Variants in ADCK1 observed in about 807,000 individuals in gnomAD.
The protein encoded by ADCK1 is aarF domain-containing protein kinase 1.
ADCK1 carries 41 observed loss-of-function variants against 52.3 expected under a neutral mutation model. The ratio of observed to expected loss-of-function variants is 0.78; its 90% CI spans 0.61 to 1.02. The LOEUF is 1.02. Ranked by LOEUF, ADCK1 falls within the 50% of genes least tolerant of loss-of-function variation. The pLI, the probability that ADCK1 is intolerant of heterozygous loss-of-function variation, is 0.00. For synonymous variants in ADCK1, 250 were observed against 274.6 expected, an observed-to-expected ratio of 0.91 and a Z score of 0.89; for missense variants, 658 against 679.5, an observed-to-expected ratio of 0.97 and a Z score of 0.35.
chr14:77,852,100 G>A (rs1253861144), intron 3 of ADCK1, among the ~76,000 whole-genome samples: 1 of 152,114 alleles, frequency 6.6e-6, no homozygotes, highest in African/African-American at 2.4e-5. Flanking sequence ...CCGGGTGCAA[G>A]TGATTCTTCT....
chr14:77,910,687 G>A (rs991020178), intron 7 of ADCK1, among the ~76,000 whole-genome samples: 5 of 152,228 alleles, frequency 3.3e-5, no homozygotes, highest in Admixed American at 2.0e-4. Context: ...CAGAGGCAAC[G>A]TTGATTTTCC....
At chr14:77,840,770 C>A (rs1437495887) in intron 3 of ADCK1, among the ~76,000 whole-genome samples, 1 of 151,826 alleles carries the variant, frequency 6.6e-6, no homozygotes, top group Non-Finnish European at 1.5e-5. Flanking sequence ...ATAGCTTGAA[C>A]CAGGGAGGTG....
Position 77,933,542 on chromosome 14 carries a change from T to G in ADCK1, c.*151T>G. On this transcript the variant is annotated 3_prime_UTR_variant, in exon 11 of 11. Coordinates refer to ENST00000238561, the MANE Select transcript of ADCK1 (RefSeq NM_020421.4). ...CCATCCTTCTCCTCCTTTGGAATCC[T>G]CTCCGCACACTGTGGCCCTTGTCTC... 2.2e-6 allele frequency: 2 copies of G among 906,706 alleles called. No individual in the cohort carries two copies. The highest frequency in any genetic ancestry group is 3.4e-6 in the Non-Finnish European group (2 of 586,890). The allele number at this position is 906,706 out of a possible 1,614,324, so 56.2% of individuals were successfully genotyped here. A position where few individuals can be genotyped will look rare whatever the true frequency, so the allele number is the denominator to read the frequency against.
chr14:77,926,022 C>T (rs750936077), intron 9 of ADCK1, 61 bp downstream of exon 9: 5 of 1,592,278 alleles, frequency 3.1e-6, no homozygotes, highest in Non-Finnish European at 4.3e-6. Context: ...TAGAGGTGGC[C>T]TGTGGACCCC....
At chr14:77,874,662 G>A (rs138601454) in intron 4 of ADCK1, among the ~76,000 whole-genome samples, 4 of 145,466 alleles carry the variant, frequency 2.7e-5, no homozygotes, top group African/African-American at 7.3e-5. Context: ...AATCATTTGT[G>A]TATTCATTGT....
At chr14:77,891,777 A>G (rs2083289252) in intron 5 of ADCK1, among the ~76,000 whole-genome samples, 1 of 152,136 alleles carries the variant, frequency 6.6e-6, no homozygotes, top group Non-Finnish European at 1.5e-5. Context: ...GCACTGGGTA[A>G]CACTGCCATC....
At chr14:77,875,637 A>T (rs1157672507) in intron 4 of ADCK1, among the ~76,000 whole-genome samples, 1 of 152,134 alleles carries the variant, frequency 6.6e-6, no homozygotes, top group East Asian at 1.9e-4. Context: ...CCTCATAGTG[A>T]TGAGAGTCTG....
chr14:77,860,906 A>T (rs1414853998), intron 4 of ADCK1, among the ~76,000 whole-genome samples: 1 of 152,182 alleles, frequency 6.6e-6, no homozygotes, highest in Non-Finnish European at 1.5e-5. Context: ...CAGCAGGTTA[A>T]CCCTTGGAGG....
At chr14:77,809,889 T>G (rs1308831195) in intron 1 of ADCK1, among the ~76,000 whole-genome samples, 1 of 150,348 alleles carries the variant, frequency 6.7e-6, no homozygotes. Flanking sequence ...ACAAAAAAAT[T>G]TAGCCGGGCG....
intron 4 of ADCK1, among the ~76,000 whole-genome samples, chr14:77,883,147 G>A (rs1056513137): frequency 2.0e-5 from 3 of 151,962 alleles, no homozygotes; most frequent in Non-Finnish European, 4.4e-5. Context: ...TAAAAAGCAC[G>A]TAACTAGTCA....
chr14:77,835,001 G>C (rs1022780786), intron 3 of ADCK1, among the ~76,000 whole-genome samples: 1 of 152,182 alleles, frequency 6.6e-6, no homozygotes, highest in Non-Finnish European at 1.5e-5. Flanking sequence ...ACCTCCAGCA[G>C]TTTTCTGACC....
intron 5 of ADCK1, among the ~76,000 whole-genome samples, chr14:77,888,133 C>T (rs1480654624): frequency 6.6e-6 from 1 of 152,088 alleles, no homozygotes; most frequent in African/African-American, 2.4e-5. Context: ...TGCCATGTAG[C>T]ACTGTGCCTG....
chr14:77,928,267 C>T (rs1595104754), intron 9 of ADCK1, among the ~76,000 whole-genome samples: 14 of 152,038 alleles, frequency 9.2e-5, no homozygotes, highest in Admixed American at 9.2e-4. Flanking sequence ...GGGTAGTCAA[C>T]GGTTCTCTTG....
intron 3 of ADCK1, among the ~76,000 whole-genome samples, chr14:77,851,988 A>G (rs2082293198): frequency 1.3e-5 from 2 of 151,206 alleles, no homozygotes; most frequent in South Asian, 4.2e-4. Context: ...TTTATTATTT[A>G]TGTATTTATT....
chr14:77,802,335 C>T (rs970405449), intron 1 of ADCK1, among the ~76,000 whole-genome samples: 6 of 152,086 alleles, frequency 3.9e-5, no homozygotes, highest in Non-Finnish European at 7.3e-5. Context: ...TCTGGCTTTG[C>T]CCTATTCTCC....
At chr14:77,898,657 G>C (rs922661421) in intron 5 of ADCK1, among the ~76,000 whole-genome samples, 1 of 152,096 alleles carries the variant, frequency 6.6e-6, no homozygotes, top group African/African-American at 2.4e-5. Flanking sequence ...GTTGGGGGGT[G>C]GGGGAGAGCA....
chr14:77,810,821 G>A (rs868578187), intron 1 of ADCK1, among the ~76,000 whole-genome samples: 5 of 152,084 alleles, frequency 3.3e-5, no homozygotes, highest in Admixed American at 6.5e-5. Context: ...GTGAGCCTCC[G>A]TGCCCGGCAA....
At position 77,826,688 on chromosome 14, in the gene ADCK1, G is replaced by A. The variant is rs78884947; in HGVS notation, c.219+4170G>A. 7.6e-3 allele frequency among the ~76,000 whole-genome samples: 1,152 copies of A among 152,296 alleles called. 17 individuals are homozygous for A. The highest frequency in any genetic ancestry group is 0.027 in the African/African-American group (1,107 of 41,562). On this transcript the variant is annotated intron_variant, in intron 3 of 10. Coordinates refer to ENST00000238561, the MANE Select transcript of ADCK1 (RefSeq NM_020421.4). ...GAGAAGATAGAGTTGATTCTGATGA[G>A]GGTTTGTGATGTAGTGGATATTTGT...
At chr14:77,898,753 C>T (rs2083465738) in intron 5 of ADCK1, among the ~76,000 whole-genome samples, 1 of 152,118 alleles carries the variant, frequency 6.6e-6, no homozygotes, top group African/African-American at 2.4e-5. Context: ...ACACGTTTAC[C>T]TATGAAACAA....
Sources: gnomAD v4.1 joint callset for allele counts (sites outside exome capture counted in the v4.1 genomes callset) on GRCh38, gnomAD v4.1.1 for gene constraint, MANE v1.5 for transcripts, NCBI Gene and HGNC (gene_info 2026-07-23, HGNC 2026-07-21) for gene names.